TOP1MT: variants seen among roughly 807,000 people sequenced by gnomAD.
TOP1MT encodes the protein DNA topoisomerase I, mitochondrial.
A neutral mutation model predicts 73.9 loss-of-function variants in TOP1MT; 80 were observed. The observed-to-expected ratio is 1.08, with a 90% CI of 0.90 to 1.30. The LOEUF is 1.30. TOP1MT is among the 50% of genes most tolerant of loss of function. The probability of loss-of-function intolerance (pLI) is 0.00; values close to 1 mark genes in which losing one functional copy is unlikely to be tolerated. For missense variants in TOP1MT, 815 were observed against 808.0 expected (o/e 1.01, Z -0.10); for synonymous variants, 338 against 326.4 (o/e 1.04, Z -0.38).
chr8:143,353,513 C>T (rs1382667105), intron 1 of TOP1MT, among the ~76,000 whole-genome samples: 1 of 151,882 alleles, frequency 6.6e-6, no homozygotes, highest in Non-Finnish European at 1.5e-5. Flanking sequence ...CTTGGTATCA[C>T]TAATCACTAG....
chr8:143,316,961 G>A (rs1181488019), intron 10 of TOP1MT, among the ~76,000 whole-genome samples: 5 of 152,190 alleles, frequency 3.3e-5, no homozygotes, highest in South Asian at 2.1e-4. Context: ...TAGCTCCTCC[G>A]CATCCCACAG....
At position 143,351,214 on chromosome 8, in the gene TOP1MT, G is replaced by A. The variant is rs536862783; in HGVS notation, c.-39+4751C>T. On this transcript the variant is annotated intron_variant, in intron 1 of 5. Coordinates refer to the TOP1MT transcript ENST00000518760. The stretch of plus-strand genomic sequence containing the variant: ...TTGAGCTCAATCTCTCTCCCCTACT[G>A]CAAAACCCCATTACAGCGGCCTCTC... Among the ~76,000 whole-genome samples the A allele has an allele frequency of 7.9e-5, 12 of 152,198 alleles. No individual in the cohort carries two copies. In the South Asian group the frequency reaches 2.3e-3, roughly 29 times the overall value.
chr8:143,323,377 G>C (rs1363883836), intron 7 of TOP1MT, among the ~76,000 whole-genome samples: 27 of 41,408 alleles, frequency 6.5e-4, no homozygotes, highest in South Asian at 1.7e-3. Context: ...ACGCCACACA[G>C]ATGCATGCCA....
intron 7 of TOP1MT, among the ~76,000 whole-genome samples, chr8:143,323,309 T>C (rs1176953937): frequency 4.6e-5 from 1 of 21,678 alleles, no homozygotes; most frequent in African/African-American, 1.8e-4. Flanking sequence ...ACACACATGC[T>C]CACCACACGC....
intron 1 of TOP1MT, among the ~76,000 whole-genome samples, chr8:143,352,321 G>A (rs11992792): frequency 9.8e-4 from 150 of 152,292 alleles, no homozygotes; most frequent in Middle Eastern, 3.4e-3. Context: ...TGAAGACAGC[G>A]GGGCACTGTC....
intron 2 of TOP1MT, 126 bp from the exon 3 acceptor site, chr8:143,329,597 C>A (rs2467894): frequency 0.52 from 590,817 of 1,142,762 alleles, 156,810 homozygotes; most frequent in African/African-American, 0.77. Flanking sequence ...GCTAGGCCTT[C>A]TTCTGTAAGT....
At chr8:143,314,779 G>A (rs1052135859) in intron 12 of TOP1MT, among the ~76,000 whole-genome samples, 1 of 152,052 alleles carries the variant, frequency 6.6e-6, no homozygotes. Context: ...ACTATATATA[G>A]ATCATAGATA....
chr8:143,323,224 CCACACACAGGCACGCCA>C (rs1246492721), intron 7 of TOP1MT, among the ~76,000 whole-genome samples: 23 of 114,868 alleles, frequency 2.0e-4, no homozygotes, highest in African/African-American at 3.9e-4. Flanking sequence ...CACAGGCACG[CCACACACAGGCACGCCA>C]CACACACAGG....
In TOP1MT at chr8:143,341,830, C is replaced by G. The variant is rs963840467; in HGVS notation, c.29+1390G>C. On this transcript the variant is annotated intron_variant, in intron 2 of 5. Transcript: ENST00000518007. This position sits in a 1 kb window ranked among gnomAD's most constrained non-coding sequence, Gnocchi z 4.1. ...ATCTAGTGCTTCCTTCTTCCTTCTT[C>G]TTCCTCTTCTTCCTCCTCCTCCTCC... Among the ~76,000 whole-genome samples, 1 of 146,612 alleles carries G rather than the reference C, an allele frequency of 6.8e-6. No individual in the cohort carries two copies. Among genetic ancestry groups the G allele is most frequent in the African/African-American group, 2.7e-5 (1 of 37,062 alleles).
chr8:143,320,347 G>T (rs957619647), intron 8 of TOP1MT, among the ~76,000 whole-genome samples: 3 of 152,142 alleles, frequency 2.0e-5, no homozygotes, highest in East Asian at 2.0e-4. Flanking sequence ...AGCCAGGATG[G>T]TCTCGATCTC....
At chr8:143,325,901 T>TGTA (rs1816695570) in intron 4 of TOP1MT, among the ~76,000 whole-genome samples, 1 of 152,158 alleles carries the variant, frequency 6.6e-6, no homozygotes, top group African/African-American at 2.4e-5. Context: ...TCCTGTTAGA[T>TGTA]GTAGGGAGAC....
intron 1 of TOP1MT, among the ~76,000 whole-genome samples, chr8:143,351,677 T>C (rs1480238458): frequency 6.6e-6 from 1 of 151,652 alleles, no homozygotes; most frequent in Non-Finnish European, 1.5e-5. Flanking sequence ...TAACAAGAGA[T>C]ATAAAGCTTA....
At chr8:143,350,434 T>C (rs1421250898) in intron 1 of TOP1MT, among the ~76,000 whole-genome samples, 1 of 152,230 alleles carries the variant, frequency 6.6e-6, no homozygotes, top group African/African-American at 2.4e-5. Flanking sequence ...CGGGTTCAAG[T>C]GATTCTCCTG....
chr8:143,336,377 C>G (rs1043211503), upstream of TOP1MT, among the ~76,000 whole-genome samples: 1 of 152,076 alleles, frequency 6.6e-6, no homozygotes, highest in Non-Finnish European at 1.5e-5. Flanking sequence ...CAGACAAATC[C>G]AGCACCATTT....
rs375507955 is a variant in TOP1MT, at chr8:143,325,489, G to A, written c.528C>T (p.Tyr176=). ...TTTCTTGGTGACCATCTAAAATACA[G>A]TAGCCGAACTCTTGCTGAAGTTTTT... is the stretch of plus-strand genomic sequence containing the variant. ...EAEKLQQEFG[Y]CILDGHQEKI... The change falls in exon 5 of 14, where the codon TAC becomes TAT. Residue 176 remains tyrosine, a synonymous_variant. Transcript: ENST00000329245. 3.9e-5 allele frequency: 63 copies of A among 1,612,306 alleles called. No homozygotes were observed. The highest frequency in any genetic ancestry group is 1.7e-4 in the Middle Eastern group (1 of 6,060).
At position 143,341,073 on chromosome 8, in the gene TOP1MT, G is replaced by A. The variant is rs13272654; in HGVS notation, c.29+2147C>T. 1.1e-4 allele frequency among the ~76,000 whole-genome samples: 16 copies of A among 152,178 alleles called. No homozygotes were observed. The highest frequency in any genetic ancestry group is 3.3e-4 in the Admixed American group (5 of 15,288). On this transcript the variant is annotated intron_variant, in intron 2 of 5. Transcript: ENST00000518007. The surrounding 1 kb of genome is among the most constrained non-coding windows in gnomAD (Gnocchi z 4.1). ...CGCGCTCCTCCCCAGCTCCCACGGC[G>A]GCCCCTGCACTCTTCCGCTCCCCAC... is the stretch of plus-strand genomic sequence containing the variant.
At chr8:143,342,197 TA>T in intron 2 of TOP1MT, among the ~76,000 whole-genome samples, 1 of 12,786 alleles carries the variant, frequency 7.8e-5, no homozygotes, top group African/African-American at 1.9e-4. Context: ...GTCTCGCTGT[TA>T]TTATTATTAT....
At chr8:143,329,613 A>G (rs1816799735) in intron 2 of TOP1MT, 142 bp from the exon 3 acceptor site, 1 of 1,015,734 alleles carries the variant, frequency 9.8e-7, no homozygotes, top group African/African-American at 1.7e-5. Context: ...TAAGTTCAGA[A>G]GCATGTTCTG....
chr8:143,318,909 C>T (rs533377973), intron 8 of TOP1MT, among the ~76,000 whole-genome samples: 5 of 152,356 alleles, frequency 3.3e-5, no homozygotes, highest in South Asian at 2.1e-4. Flanking sequence ...CTGATCTTGA[C>T]GAGGCTTTAT....
Sources: gnomAD v4.1 joint callset for allele counts (sites outside exome capture counted in the v4.1 genomes callset) on GRCh38, gnomAD v4.1.1 for gene constraint, Gnocchi (gnomAD v3.1) non-coding constraint, MANE v1.5 for transcripts, NCBI Gene and HGNC (gene_info 2026-07-23, HGNC 2026-07-21) for gene names.